Variants in KSR2 observed in about 807,000 individuals in gnomAD.
KSR2 encodes the protein kinase suppressor of ras 2.
KSR2 carries 25 observed loss-of-function variants against 107.8 expected under a neutral mutation model. That is an observed-to-expected ratio of 0.23 (90% CI 0.17 to 0.32). The LOEUF is 0.32. KSR2 is among the 10% of genes least tolerant of loss of function. KSR2 has a pLI of 1.00. For synonymous variants in KSR2, 480 were observed against 507.0 expected, an observed-to-expected ratio of 0.95 and a Z score of 0.71; for missense variants, 887 against 1,268.9, an observed-to-expected ratio of 0.70 and a Z score of 4.57.
At chr12:117,524,175 A>G (rs1227430622) in intron 14 of KSR2, among the ~76,000 whole-genome samples, 1 of 152,120 alleles carries the variant, frequency 6.6e-6, no homozygotes, top group Non-Finnish European at 1.5e-5. Flanking sequence ...AGCTGAAAAT[A>G]TTTACTATTG....
At chr12:117,710,423 G>T (rs2136651091) in intron 4 of KSR2, among the ~76,000 whole-genome samples, 1 of 152,320 alleles carries the variant, frequency 6.6e-6, no homozygotes, top group East Asian at 1.9e-4. Context: ...TGGGCAGAAA[G>T]CTCTGTCCTG....
In KSR2 at chr12:117,667,635, A is replaced by G; in HGVS notation, c.1010T>C (p.Leu337Ser). ...TACGCTGCTGTGGATCTTGAGGTTCAAGGGTTTGCTCTTCTTCTTGGCTCT... is the reference window on the plus strand; with the variant it reads ...TACGCTGCTGTGGATCTTGAGGTTCGAGGGTTTGCTCTTCTTCTTGGCTCT... ...TPKAKKKSKP[L>S]NLKIHSSVGS... is the part of the protein sequence containing the mutation. Residue 337 changes from leucine (L) to serine (S), a missense_variant, in exon 5 of 20, where the codon TTG becomes TCG. Physicochemically the swap from Leu to Ser is moderately radical, Grantham distance 145. Around this residue, in one of 8 missense-constraint regions of KSR2, gnomAD observed 399 missense variants for 479.5 expected, o/e 0.83. Coordinates refer to ENST00000339824, the MANE Select transcript of KSR2 (RefSeq NM_173598.6). The G allele has an allele frequency of 2.5e-6, 4 of 1,599,372 alleles. No homozygotes were observed. The South Asian group carries it at 4.5e-5, about 18-fold the overall frequency.
rs368065684 is a variant in KSR2, at chr12:117,479,408, A to G, written c.2451-2813T>C. ...GACACCATTAAATTTGTTCTAATTTAGGATTTCTCAACCTTGGCACTATTG... is the reference window on the plus strand; with the variant it reads ...GACACCATTAAATTTGTTCTAATTTGGGATTTCTCAACCTTGGCACTATTG... On this transcript the variant is annotated intron_variant, in intron 16 of 19. Coordinates refer to ENST00000339824, the MANE Select transcript of KSR2 (RefSeq NM_173598.6). 1.6e-3 allele frequency among the ~76,000 whole-genome samples: 241 copies of G among 152,356 alleles called. 7 individuals are homozygous for G. In the South Asian group the frequency reaches 0.048, roughly 31 times the overall value.
intron 1 of KSR2, among the ~76,000 whole-genome samples, chr12:117,916,222 C>T (rs1032647232): frequency 3.3e-5 from 5 of 150,974 alleles, no homozygotes; most frequent in Admixed American, 6.6e-5. Flanking sequence ...CTGCAACCCC[C>T]GCCTCCCCAG....
chr12:117,641,538 CT>C (rs1197513345), intron 5 of KSR2, among the ~76,000 whole-genome samples: 1 of 152,166 alleles, frequency 6.6e-6, no homozygotes, highest in East Asian at 1.9e-4. Context: ...CCCTGTGCAT[CT>C]CTGTGTCTGA....
Position 117,530,118 on chromosome 12 carries a change from G to A in KSR2, c.1802+823C>T, listed in dbSNP as rs150108544. On this transcript the variant is annotated intron_variant, in intron 12 of 19. Transcript: ENST00000339824. ...GTTTGGCATAAAGATAACAAAGCAG[G>A]ATGGTAGCTGCTTGCATATATTGTG... is the stretch of plus-strand genomic sequence containing the variant. Among the ~76,000 whole-genome samples, 402 of 152,286 alleles carry A rather than the reference G, an allele frequency of 2.6e-3. 1 individual carries two copies. The highest frequency in any genetic ancestry group is 9.3e-3 in the African/African-American group (387 of 41,564).
intron 16 of KSR2, among the ~76,000 whole-genome samples, chr12:117,481,511 A>G (rs1393095884): frequency 1.3e-5 from 2 of 152,226 alleles, no homozygotes; most frequent in African/African-American, 2.4e-5. Flanking sequence ...CAAGCTGGGA[A>G]GAGAGCCCTC....
At chr12:117,656,958 A>ATATATATAT (rs1555225255) in intron 5 of KSR2, among the ~76,000 whole-genome samples, 7 of 87,930 alleles carry the variant, frequency 8.0e-5, no homozygotes, top group African/African-American at 1.2e-4. Flanking sequence ...ATATATATAT[A>ATATATATAT]ATAGGATATA....
intron 3 of KSR2, among the ~76,000 whole-genome samples, chr12:117,853,027 T>A (rs1892980536): frequency 6.6e-6 from 1 of 152,102 alleles, no homozygotes; most frequent in Non-Finnish European, 1.5e-5. Flanking sequence ...GGTCTCAAAC[T>A]CCTGACCTCA....
intron 4 of KSR2, among the ~76,000 whole-genome samples, chr12:117,677,996 G>A (rs576075688): frequency 1.1e-4 from 16 of 152,060 alleles, no homozygotes; most frequent in African/African-American, 1.9e-4. Flanking sequence ...GGGCAGTGGC[G>A]TGATCTTGGC....
At chr12:117,793,059 C>A (rs915696157) in intron 3 of KSR2, among the ~76,000 whole-genome samples, 2 of 149,906 alleles carry the variant, frequency 1.3e-5, no homozygotes, top group Non-Finnish European at 3.0e-5. Flanking sequence ...TCAACATGCA[C>A]ACACACCAAC....
chr12:117,723,904 C>G (rs1887310350), intron 4 of KSR2, among the ~76,000 whole-genome samples: 1 of 152,098 alleles, frequency 6.6e-6, no homozygotes, highest in Non-Finnish European at 1.5e-5. Flanking sequence ...TCAAGAAAAT[C>G]TCACATTTTG....
At chr12:117,888,823 T>TA in intron 1 of KSR2, among the ~76,000 whole-genome samples, 1 of 152,328 alleles carries the variant, frequency 6.6e-6, no homozygotes, top group African/African-American at 2.4e-5. Context: ...GGTATTTTGT[T>TA]ACGGCAGCCC....
intron 4 of KSR2, among the ~76,000 whole-genome samples, chr12:117,734,299 A>G (rs615990): frequency 0.18 from 25,780 of 141,996 alleles, 2,689 homozygotes; most frequent in South Asian, 0.27. Flanking sequence ...AAAAAAAAAA[A>G]AGAGAGAAAC....
intron 14 of KSR2, chr12:117,517,813 C>T (rs1456510609): frequency 2.2e-6 from 1 of 455,676 alleles, no homozygotes; most frequent in Non-Finnish European, 4.4e-6. Context: ...GCTCAGGCCC[C>T]CCAACTCCTG....
intron 5 of KSR2, among the ~76,000 whole-genome samples, chr12:117,637,744 C>T (rs143159379): frequency 4.8e-4 from 60 of 124,218 alleles, no homozygotes; most frequent in African/African-American, 1.7e-3. Flanking sequence ...TGCAATGACA[C>T]GATCTCAGCT....
At chr12:117,913,042 G>A (rs924846378) in intron 1 of KSR2, among the ~76,000 whole-genome samples, 4 of 152,188 alleles carry the variant, frequency 2.6e-5, no homozygotes, top group Non-Finnish European at 4.4e-5. Flanking sequence ...GGCCCTACCC[G>A]GGGCAGGAAG....
intron 3 of KSR2, among the ~76,000 whole-genome samples, chr12:117,804,455 G>A (rs1213724124): frequency 6.6e-6 from 1 of 152,136 alleles, no homozygotes; most frequent in Non-Finnish European, 1.5e-5. Flanking sequence ...TTAAGAAAAA[G>A]TTAGCTCACC....
intron 3 of KSR2, among the ~76,000 whole-genome samples, chr12:117,845,389 T>C (rs2137180679): frequency 1.3e-5 from 2 of 152,310 alleles, no homozygotes; most frequent in South Asian, 4.1e-4. Context: ...CTCAGAATGC[T>C]CTTCCCCCAG....
Sources: gnomAD v4.1 joint callset for allele counts (sites outside exome capture counted in the v4.1 genomes callset) on GRCh38, gnomAD v4.1.1 for gene constraint, gnomAD v4.1.1 regional missense constraint, MANE v1.5 for transcripts, NCBI Gene and HGNC (gene_info 2026-07-23, HGNC 2026-07-21) for gene names.